EHD3: variants seen among roughly 807,000 people sequenced by gnomAD.
EHD3 encodes the protein EH domain-containing protein 3.
EHD3 carries 17 observed loss-of-function variants against 43.0 expected under a neutral mutation model. That is an observed-to-expected ratio of 0.40 (90% CI 0.27 to 0.59). The LOEUF is 0.59. Among genes scored for constraint, EHD3 ranks in the 20% least tolerant of loss-of-function variants. The pLI is 0.49. For synonymous variants in EHD3, 313 were observed against 289.5 expected, an observed-to-expected ratio of 1.08 and a Z score of -0.82; for missense variants, 594 against 705.6, an observed-to-expected ratio of 0.84 and a Z score of 1.79.
chr2:31,240,692 C>T (rs1414483597), intron 1 of EHD3, among the ~76,000 whole-genome samples: 1 of 152,224 alleles, frequency 6.6e-6, no homozygotes, highest in African/African-American at 2.4e-5. Flanking sequence ...CTGAGAACAC[C>T]ACGTCCCTCT....
rs1683480293 is a variant in EHD3, at chr2:31,244,417, A to C, written c.371A>C (p.Lys124Thr). The change falls in exon 2 of 6, where the codon AAA becomes ACA. Residue 124 changes from lysine to threonine, a missense_variant. Lys to Thr is a moderately conservative substitution (Grantham distance 78). Transcript: ENST00000322054. ...LVVDPKKPFR[K>T]LNAFGNAFLN... ...GTGGATCCCAAGAAACCCTTCAGGA[A>C]ACTCAACGCCTTTGGCAACGCCTTC... 6.2e-7 allele frequency: 1 copy of C among 1,614,172 alleles called. No individual in the cohort carries two copies. Among genetic ancestry groups the C allele is most frequent in the Non-Finnish European group, 8.5e-7 (1 of 1,180,022 alleles).
chr2:31,255,908 A>AG (rs1436981267), intron 3 of EHD3, among the ~76,000 whole-genome samples: 2 of 152,222 alleles, frequency 1.3e-5, no homozygotes, highest in Non-Finnish European at 1.5e-5. Context: ...GTAAGACAGC[A>AG]GCCTGCAGCC....
chr2:31,236,498 C>T (rs1007370878), intron 1 of EHD3, among the ~76,000 whole-genome samples: 1 of 152,186 alleles, frequency 6.6e-6, no homozygotes, highest in African/African-American at 2.4e-5. Context: ...TTATTAAGCA[C>T]CCATTGCTGC....
chr2:31,239,440 C>A (rs79394990), intron 1 of EHD3, among the ~76,000 whole-genome samples: 11,297 of 152,276 alleles, frequency 0.074, 819 homozygotes, highest in African/African-American at 0.19. Flanking sequence ...GCCAGAGGAA[C>A]TGTGTCCGCG....
chr2:31,234,608 G>C lies in EHD3; in HGVS notation c.-14G>C. 4 of 1,612,794 alleles carry C rather than the reference G, an allele frequency of 2.5e-6. No individual in the cohort carries two copies. Among genetic ancestry groups the C allele is most frequent in the Non-Finnish European group, 3.4e-6 (4 of 1,179,786 alleles). On this transcript the variant is annotated 5_prime_UTR_variant, in exon 1 of 6. Coordinates refer to ENST00000322054, the MANE Select transcript of EHD3 (RefSeq NM_014600.3). ...TCCCCTGGGGCTGCGTGCCGGGGGC[G>C]AGCGGCGGCCGCGATGTTCAGCTGG...
At position 31,260,125 on chromosome 2, in the gene EHD3, C is replaced by T. The variant is rs952934188; in HGVS notation, c.503-385C>T. The stretch of plus-strand genomic sequence containing the variant: ...CTGAGGCAGGAAAATCACTTGACCC[C>T]AGGAGGCAGAGGTTGCAGTGAGCAG... On this transcript the variant is annotated intron_variant, in intron 3 of 5. Coordinates refer to ENST00000322054, the MANE Select transcript of EHD3 (RefSeq NM_014600.3). This position sits in a 1 kb window ranked among gnomAD's most constrained non-coding sequence, Gnocchi z 4.6. Among the ~76,000 whole-genome samples, 1 of 152,038 alleles carries T rather than the reference C, an allele frequency of 6.6e-6. No individual in the cohort carries two copies. Among genetic ancestry groups the T allele is most frequent in the South Asian group, 2.1e-4 (1 of 4,816 alleles).
intron 3 of EHD3, among the ~76,000 whole-genome samples, chr2:31,255,091 G>A (rs1057247761): frequency 2.0e-5 from 3 of 152,190 alleles, no homozygotes; most frequent in African/African-American, 4.8e-5. Context: ...TGGAGCCTCC[G>A]GTTGGAGGGG....
In EHD3 at chr2:31,234,378, G is replaced by C. The variant is rs909876415; in HGVS notation, c.-244G>C. The C allele has an allele frequency of 2.2e-4, 118 of 544,136 alleles. No homozygotes were observed. The highest frequency in any genetic ancestry group is 4.9e-4 in the Middle Eastern group (1 of 2,024). 33.7% of individuals were successfully genotyped at this position (544,136 alleles called of 1,614,324 possible). ...ATTTCACCCCTCCTCCTCAAGCCCAGATTATTTATCCTCCCTCCGGCCTGG... is the reference window on the plus strand; with the variant it reads ...ATTTCACCCCTCCTCCTCAAGCCCACATTATTTATCCTCCCTCCGGCCTGG... On this transcript the variant is annotated 5_prime_UTR_variant, in exon 1 of 6. Transcript: ENST00000322054.
At chr2:31,243,915 C>A (rs191096837) in intron 1 of EHD3, among the ~76,000 whole-genome samples, 1 of 152,290 alleles carries the variant, frequency 6.6e-6, no homozygotes, top group East Asian at 1.9e-4. Context: ...GTGGGTACTT[C>A]AGCAGGTTAC....
intron 5 of EHD3, 103 bp downstream of exon 5, chr2:31,261,816 C>A: frequency 2.8e-6 from 4 of 1,406,684 alleles, no homozygotes; most frequent in South Asian, 1.4e-5. Flanking sequence ...CAGGGAGAAC[C>A]CCGCCCAGAA....
At chr2:31,235,987 A>G (rs1683317978) in intron 1 of EHD3, among the ~76,000 whole-genome samples, 1 of 152,240 alleles carries the variant, frequency 6.6e-6, no homozygotes, top group Non-Finnish European at 1.5e-5. Context: ...CATCTCCTGC[A>G]GAGGGTTTGG....
intron 3 of EHD3, among the ~76,000 whole-genome samples, chr2:31,249,901 A>G (rs914350106): frequency 1.3e-5 from 2 of 152,314 alleles, no homozygotes; most frequent in East Asian, 3.9e-4. Flanking sequence ...GGAGGGAACC[A>G]GGTAGTGAAA....
At position 31,234,534 on chromosome 2, in the gene EHD3, G is replaced by T; in HGVS notation, c.-88G>T. The T allele has an allele frequency of 6.8e-7, 1 of 1,476,944 alleles. No individual in the cohort carries two copies. 91.5% of individuals were successfully genotyped at this position (1,476,944 alleles called of 1,614,324 possible). On this transcript the variant is annotated 5_prime_UTR_variant, in exon 1 of 6. Transcript: ENST00000322054. ...TTGGGTGAGGCGGCGGCGCGGCTCG[G>T]AGCCCGGCGGACCGGTCCTACGGGA...
At chr2:31,257,584 C>T (rs1292429794) in intron 3 of EHD3, among the ~76,000 whole-genome samples, 6 of 152,134 alleles carry the variant, frequency 3.9e-5, no homozygotes, top group African/African-American at 7.2e-5. Context: ...GAAGTGAGAA[C>T]GATACTCCTC....
chr2:31,245,551 ATATTTTT>A (rs1215392806), intron 2 of EHD3, among the ~76,000 whole-genome samples: 88 of 32,226 alleles, frequency 2.7e-3, no homozygotes, highest in Middle Eastern at 0.034. Flanking sequence ...ATATATATAT[ATATTTTT>A]TTTTTTTTTT....
At position 31,260,538 on chromosome 2, in the gene EHD3, G is replaced by C. The variant is rs1683831251; in HGVS notation, c.531G>C (p.Trp177Cys). 1.2e-6 allele frequency: 2 copies of C among 1,610,832 alleles called. No individual in the cohort carries two copies. Among genetic ancestry groups the C allele is most frequent in the East Asian group, 4.5e-5 (2 of 44,790 alleles). Residue 177 changes from tryptophan (W) to cysteine (C), a missense_variant, in exon 4 of 6, where the codon TGG becomes TGC. Around this residue, in one of 3 missense-constraint regions of EHD3, gnomAD observed 243 missense variants for 296.7 expected, o/e 0.82. Transcript: ENST00000322054. The surrounding 1 kb of genome is among the most constrained non-coding windows in gnomAD (Gnocchi z 4.6). ...RGYDFAAVLE[W>C]FAERVDRIIL... is the part of the protein sequence containing the mutation. ...ATGACTTTGCAGCTGTCCTTGAGTGGTTTGCCGAGCGGGTTGACCGCATCA... is the reference window on the plus strand; with the variant it reads ...ATGACTTTGCAGCTGTCCTTGAGTGCTTTGCCGAGCGGGTTGACCGCATCA...
At chr2:31,250,480 A>G (rs1683614727) in intron 3 of EHD3, among the ~76,000 whole-genome samples, 1 of 152,038 alleles carries the variant, frequency 6.6e-6, no homozygotes, top group African/African-American at 2.4e-5. Flanking sequence ...GTTGGCCAGA[A>G]TGGTCTCGAT....
chr2:31,268,298 CTA>C lies in EHD3; in HGVS notation c.*1599_*1600del, dbSNP rs1683993059. Reference sequence around the variant, plus strand: ...AACTTATTTTATATCCATATTCAGACTATATAGAGAATATTCTATGCATCTAT... The same window carrying C: ...AACTTATTTTATATCCATATTCAGACTATAGAGAATATTCTATGCATCTAT... On this transcript the variant is annotated 3_prime_UTR_variant, in exon 6 of 6. Coordinates refer to ENST00000322054, the MANE Select transcript of EHD3 (RefSeq NM_014600.3). 6.6e-6 allele frequency: 1 copy of C among 152,664 alleles called. No homozygotes were observed. The highest frequency in any genetic ancestry group is 2.4e-5 in the African/African-American group (1 of 41,456). The allele number at this position is 152,664 out of a possible 1,614,324, so 9.5% of individuals were successfully genotyped here.
chr2:31,248,633 C>T (rs1381716579), intron 2 of EHD3, among the ~76,000 whole-genome samples: 1 of 152,188 alleles, frequency 6.6e-6, no homozygotes, highest in East Asian at 1.9e-4. Flanking sequence ...ACTTCTGGGG[C>T]TGGGGCTGGG....
Sources: allele counts gnomAD v4.1 joint callset (sites outside exome capture counted in the v4.1 genomes callset), GRCh38; gene constraint gnomAD v4.1.1; regional missense constraint gnomAD v4.1.1; non-coding constraint Gnocchi (gnomAD v3.1); transcripts MANE v1.5; gene names NCBI Gene and HGNC (gene_info 2026-07-23, HGNC 2026-07-21).